The following ERBIN variants were observed in gnomAD, a reference collection of about 807,000 sequenced individuals.
ERBIN encodes densin-180-like protein.
A neutral mutation model predicts 158.4 loss-of-function variants in ERBIN; 60 were observed. The ratio of observed to expected loss-of-function variants is 0.38; its 90% CI spans 0.31 to 0.47. ERBIN has a LOEUF of 0.47. ERBIN is among the 20% of genes least tolerant of loss of function. The pLI, the probability that ERBIN is intolerant of heterozygous loss-of-function variation, is 0.99. For missense variants in ERBIN, 1,610 were observed against 1,648.0 expected (o/e 0.98, Z 0.40); for synonymous variants, 594 against 557.2 (o/e 1.07, Z -0.93).
At chr5:66,038,557 C>T (rs879917227) in intron 15 of ERBIN, 75 bp downstream of exon 15, 3 of 1,134,662 alleles carry the variant, frequency 2.6e-6, no homozygotes, top group African/African-American at 1.6e-5. Context: ...CTTTAAGTCT[C>T]AGAGACTTTT....
intron 1 of ERBIN, 52 bp downstream of exon 1, chr5:65,926,858 A>G (rs1742711173): frequency 6.6e-6 from 1 of 151,328 alleles, no homozygotes; most frequent in Non-Finnish European, 1.5e-5. Flanking sequence ...GGACTTTGTG[A>G]CTCGGAAAAG....
intron 4 of ERBIN, among the ~76,000 whole-genome samples, chr5:65,996,929 TTTG>T (rs1307038350): frequency 2.6e-5 from 4 of 152,172 alleles, no homozygotes; most frequent in Non-Finnish European, 1.5e-5. Flanking sequence ...TTTCATATAG[TTTG>T]TTGTTAATAT....
intron 4 of ERBIN, among the ~76,000 whole-genome samples, chr5:66,005,063 G>A (rs1263963245): frequency 6.6e-6 from 1 of 151,988 alleles, no homozygotes; most frequent in Non-Finnish European, 1.5e-5. Context: ...GATGTGACTT[G>A]TGTTTAAGTT....
intron 1 of ERBIN, among the ~76,000 whole-genome samples, chr5:65,974,998 A>G (rs144269864): frequency 1.3e-4 from 20 of 152,236 alleles, no homozygotes; most frequent in African/African-American, 4.8e-4. Context: ...TAGATTGTCT[A>G]TTGAATTTAT....
At chr5:66,004,387 T>TGCGC (rs1753345603) in intron 4 of ERBIN, among the ~76,000 whole-genome samples, 1 of 151,982 alleles carries the variant, frequency 6.6e-6, no homozygotes, top group African/African-American at 2.4e-5. Flanking sequence ...TGCGTGTGTG[T>TGCGC]GTGCGCGCGC....
chr5:66,021,657 T>C (rs557541122), intron 8 of ERBIN, among the ~76,000 whole-genome samples: 10 of 152,182 alleles, frequency 6.6e-5, no homozygotes, highest in African/African-American at 2.4e-4. Context: ...AGCAGAAAAT[T>C]TGAGTGATTA....
intron 1 of ERBIN, among the ~76,000 whole-genome samples, chr5:65,936,911 T>C (rs930230576): frequency 2.0e-5 from 3 of 152,208 alleles, no homozygotes; most frequent in Admixed American, 1.3e-4. Context: ...CTTCCATCAA[T>C]GGTATATAAA....
chr5:66,004,045 C>T (rs1366100491), intron 4 of ERBIN, among the ~76,000 whole-genome samples: 1 of 148,656 alleles, frequency 6.7e-6, no homozygotes, highest in Non-Finnish European at 1.5e-5. Flanking sequence ...TCAAGGGAGG[C>T]TTCCCCCTCA....
intron 22 of ERBIN, among the ~76,000 whole-genome samples, chr5:66,074,205 A>G (rs1287391707): frequency 2.6e-5 from 4 of 151,938 alleles, no homozygotes; most frequent in African/African-American, 7.3e-5. Flanking sequence ...TTTTTAAGAT[A>G]GATTCCTCAT....
intron 7 of ERBIN, among the ~76,000 whole-genome samples, chr5:66,018,031 C>A (rs1340143814): frequency 2.0e-5 from 3 of 151,956 alleles, no homozygotes; most frequent in Non-Finnish European, 4.4e-5. Flanking sequence ...CAATTCCTTT[C>A]CATTGGTCTG....
At chr5:66,067,724 TTTC>T (rs199855478) in intron 21 of ERBIN, among the ~76,000 whole-genome samples, 2,752 of 152,264 alleles carry the variant, frequency 0.018, 79 homozygotes, top group African/African-American at 0.062. Flanking sequence ...ATTTTCTCGT[TTTC>T]TTCTTCTTGT....
In ERBIN at chr5:66,076,377, G is replaced by A. The variant is rs777360896; in HGVS notation, c.4025G>A (p.Gly1342Asp). 4.3e-6 allele frequency: 7 copies of A among 1,613,494 alleles called. No individual in the cohort carries two copies. Among genetic ancestry groups the A allele is most frequent in the Non-Finnish European group, 5.1e-6 (6 of 1,179,770 alleles). Residue 1342 changes from glycine (G) to aspartate (D), a missense_variant, in exon 24 of 26, where the codon GGT (glycine) becomes GAT (aspartate). This residue lies in a region of ERBIN where 1,014 missense variants were observed against 936.1 expected (regional missense o/e 1.08). Coordinates refer to ENST00000284037, the MANE Select transcript of ERBIN (RefSeq NM_001253697.2). ...LGFSISGGVG[G>D]RGNPFRPDDD... ...TTTAGCATATCAGGTGGTGTCGGGGGTAGAGGAAACCCATTCAGACCTGAT... is the reference window on the plus strand; with the variant it reads ...TTTAGCATATCAGGTGGTGTCGGGGATAGAGGAAACCCATTCAGACCTGAT...
intron 21 of ERBIN, among the ~76,000 whole-genome samples, chr5:66,057,561 A>G (rs1451439758): frequency 1.3e-5 from 2 of 151,934 alleles, no homozygotes; most frequent in African/African-American, 2.4e-5. Context: ...GGCTTTTTTT[A>G]TTATTATACT....
intron 3 of ERBIN, 61 bp downstream of exon 3, chr5:65,992,968 A>C (rs1008509798): frequency 8.1e-7 from 1 of 1,238,734 alleles, no homozygotes; most frequent in Non-Finnish European, 1.1e-6. Context: ...GAAATATGAT[A>C]TTCCTAATAT....
Position 66,054,191 on chromosome 5 carries a change from TAA to T in ERBIN, c.2874_2875del (p.Ile958MetfsTer20). On this transcript the variant is annotated frameshift_variant, in exon 21 of 26. Coordinates refer to ENST00000284037, the MANE Select transcript of ERBIN (RefSeq NM_001253697.2). LOFTEE classifies it high-confidence loss of function. The stretch of plus-strand genomic sequence containing the variant: ...CATAATCCCGAAGAGCCAAATATAA[TAA>T]GAGGCCCCACAAGTGGCCCACAATC... 1 of 1,614,106 alleles carries T rather than the reference TAA, an allele frequency of 6.2e-7. No individual in the cohort carries two copies. Among genetic ancestry groups the T allele is most frequent in the Non-Finnish European group, 8.5e-7 (1 of 1,180,022 alleles).
chr5:65,932,437 C>A (rs1204200664), intron 1 of ERBIN, among the ~76,000 whole-genome samples: 1 of 151,736 alleles, frequency 6.6e-6, no homozygotes, highest in Non-Finnish European at 1.5e-5. Flanking sequence ...TTAGCTGTTG[C>A]AACCATTGCT....
chr5:66,018,105 T>C (rs1209128381), intron 7 of ERBIN, among the ~76,000 whole-genome samples: 8 of 152,020 alleles, frequency 5.3e-5, no homozygotes, highest in Admixed American at 4.6e-4. Context: ...AGTCTAGTAG[T>C]GTGATGCCTT....
At chr5:66,071,056 T>C (rs1761484300) in intron 21 of ERBIN, among the ~76,000 whole-genome samples, 1 of 152,132 alleles carries the variant, frequency 6.6e-6, no homozygotes, top group Non-Finnish European at 1.5e-5. Context: ...ATATTTATAA[T>C]AATAAAATAT....
chr5:66,060,492 T>C (rs1760155450), intron 21 of ERBIN, among the ~76,000 whole-genome samples: 1 of 152,194 alleles, frequency 6.6e-6, no homozygotes, highest in Non-Finnish European at 1.5e-5. Flanking sequence ...AAAAACCAGC[T>C]CCTGGATTCA....
Sources: gnomAD v4.1 joint callset for allele counts (sites outside exome capture counted in the v4.1 genomes callset) on GRCh38, gnomAD v4.1.1 for gene constraint, gnomAD v4.1.1 regional missense constraint, MANE v1.5 for transcripts, NCBI Gene and HGNC (gene_info 2026-07-23, HGNC 2026-07-21) for gene names.